WASF3: variants seen among roughly 807,000 people sequenced by gnomAD.
WASF3 encodes WASP family member 3, also known as actin-binding protein WASF3.
WASF3 carries 11 observed loss-of-function variants against 46.6 expected under a neutral mutation model. The ratio of observed to expected loss-of-function variants is 0.24; its 90% CI spans 0.15 to 0.39. WASF3 has a LOEUF of 0.39. Ranked by LOEUF, WASF3 falls within the 10% of genes least tolerant of loss-of-function variation. The probability of loss-of-function intolerance (pLI) is 1.00; values close to 1 mark genes in which losing one functional copy is unlikely to be tolerated. For missense variants in WASF3, 576 were observed against 669.8 expected (o/e 0.86, Z 1.55); for synonymous variants, 242 against 259.7 (o/e 0.93, Z 0.65).
intron 6 of WASF3, among the ~76,000 whole-genome samples, chr13:26,673,413 C>A (rs909545226): frequency 6.6e-6 from 1 of 152,056 alleles, no homozygotes; most frequent in Non-Finnish European, 1.5e-5. Context: ...CTTCTAAATG[C>A]TGGATAAACA....
chr13:26,656,850 A>G (rs987175175), intron 3 of WASF3, among the ~76,000 whole-genome samples: 3 of 152,184 alleles, frequency 2.0e-5, no homozygotes, highest in African/African-American at 7.2e-5. Context: ...AGGTACAGAA[A>G]AAGACTACAT....
In WASF3 at chr13:26,584,256, G is replaced by A. The variant is rs969714110; in HGVS notation, c.-109+26437G>A. Among the ~76,000 whole-genome samples the A allele has an allele frequency of 2.0e-5, 3 of 152,322 alleles. No individual in the cohort carries two copies. The East Asian group carries it at 5.8e-4, about 29-fold the overall frequency. ...TTTTGCTGGATGACTAGTGGTTTCT[G>A]CTGGAACAGAGATGAACCATCTCAA... On this transcript the variant is annotated intron_variant, in intron 1 of 9. Coordinates refer to ENST00000335327, the MANE Select transcript of WASF3 (RefSeq NM_006646.6).
intron 3 of WASF3, among the ~76,000 whole-genome samples, chr13:26,649,237 A>G (rs983753824): frequency 5.3e-5 from 8 of 152,194 alleles, no homozygotes; most frequent in Non-Finnish European, 1.2e-4. Context: ...CTATTCTTTT[A>G]CGTACGTTGT....
intron 1 of WASF3, among the ~76,000 whole-genome samples, chr13:26,591,699 T>A (rs1413081035): frequency 6.6e-6 from 1 of 152,102 alleles, no homozygotes; most frequent in East Asian, 1.9e-4. Context: ...GTTTCAAAGT[T>A]CATGGAAGTG....
chr13:26,611,989 T>C (rs1003118077), intron 1 of WASF3, among the ~76,000 whole-genome samples: 4 of 152,124 alleles, frequency 2.6e-5, no homozygotes, highest in Admixed American at 2.0e-4. Context: ...GGCACAGTTA[T>C]CTGTTTTCTC....
chr13:26,577,841 G>A (rs1274392829), intron 1 of WASF3, among the ~76,000 whole-genome samples: 1 of 152,152 alleles, frequency 6.6e-6, no homozygotes, highest in Non-Finnish European at 1.5e-5. Flanking sequence ...CATGTGTATA[G>A]GTTCATGTAA....
At chr13:26,646,000 G>A (rs546501923) in intron 3 of WASF3, among the ~76,000 whole-genome samples, 2 of 152,244 alleles carry the variant, frequency 1.3e-5, no homozygotes, top group African/African-American at 4.8e-5. Context: ...TAAGTACAGG[G>A]GACAGCAAAT....
At chr13:26,581,149 C>G (rs1039509329) in intron 1 of WASF3, among the ~76,000 whole-genome samples, 1 of 152,034 alleles carries the variant, frequency 6.6e-6, no homozygotes, top group African/African-American at 2.4e-5. Flanking sequence ...CCAGGCTGGT[C>G]TTGAACTCTT....
At chr13:26,611,071 C>G (rs912591396) in intron 1 of WASF3, among the ~76,000 whole-genome samples, 4 of 124,996 alleles carry the variant, frequency 3.2e-5, no homozygotes, top group Non-Finnish European at 3.3e-5. Flanking sequence ...GGGGTTTTGC[C>G]GTGTTGCCCA....
intron 1 of WASF3, among the ~76,000 whole-genome samples, chr13:26,569,083 C>G (rs1879557223): frequency 6.6e-6 from 1 of 151,904 alleles, no homozygotes; most frequent in Non-Finnish European, 1.5e-5. Flanking sequence ...TTTCTGTTTT[C>G]TATAATGGGG....
chr13:26,649,012 A>C (rs987479682), intron 3 of WASF3, among the ~76,000 whole-genome samples: 3 of 152,232 alleles, frequency 2.0e-5, no homozygotes, highest in Non-Finnish European at 2.9e-5. Context: ...TTAATGCATC[A>C]TAATTCTTAG....
intron 1 of WASF3, among the ~76,000 whole-genome samples, chr13:26,561,695 G>A (rs1221024498): frequency 1.3e-5 from 2 of 152,192 alleles, no homozygotes; most frequent in Non-Finnish European, 2.9e-5. Context: ...ACATAGTTCC[G>A]TCTCTTCAAG....
chr13:26,554,033 C>CCT (rs1879027307), upstream of WASF3, among the ~76,000 whole-genome samples: 2 of 80,334 alleles, frequency 2.5e-5, no homozygotes, highest in African/African-American at 5.1e-5. Context: ...TTCCTTCTTT[C>CCT]TCTTTCTTTC....
chr13:26,620,300 A>G (rs1386582856), intron 2 of WASF3, among the ~76,000 whole-genome samples: 4 of 152,168 alleles, frequency 2.6e-5, no homozygotes, highest in African/African-American at 9.7e-5. Flanking sequence ...TATAAAACAG[A>G]TGTAGGTTCA....
chr13:26,554,084 CTTCCTTCCTTCCTTCTTTCTTTCT>C (rs1879035755), upstream of WASF3, among the ~76,000 whole-genome samples: 15 of 36,228 alleles, frequency 4.1e-4, no homozygotes, highest in African/African-American at 1.3e-3. Context: ...TCCTTCCTTC[CTTCCTTCCTTCCTTCTTTCTTTCT>C]TTCTTTCTTT....
intron 1 of WASF3, chr13:26,606,643 C>A (rs1880808684): frequency 6.6e-6 from 1 of 152,094 alleles, no homozygotes; most frequent in Admixed American, 6.6e-5. Context: ...AGGTGTGAGC[C>A]ACTGCCCTGG....
Position 26,592,240 on chromosome 13 carries a change from T to G in WASF3, c.-108-20721T>G, listed in dbSNP as rs1193881718. Among the ~76,000 whole-genome samples, 3 of 152,134 alleles carry G rather than the reference T, an allele frequency of 2.0e-5. No homozygotes were observed. In the East Asian group the frequency reaches 5.8e-4, roughly 29 times the overall value. ...TTAAGAAGCATGTGATTAATAGTAG[T>G]TTGAGTGATAATTAATTTTCAGGAA... On this transcript the variant is annotated intron_variant, in intron 1 of 9. Coordinates refer to ENST00000335327, the MANE Select transcript of WASF3 (RefSeq NM_006646.6).
At chr13:26,574,995 C>T (rs1879750709) in intron 1 of WASF3, among the ~76,000 whole-genome samples, 1 of 152,040 alleles carries the variant, frequency 6.6e-6, no homozygotes, top group Non-Finnish European at 1.5e-5. Context: ...TGCCACCACG[C>T]CCGGCTAATT....
In WASF3 at chr13:26,687,025, A is replaced by T. The variant is rs1177403777; in HGVS notation, c.*1180A>T. ...TAAATGATAAAAAGCACCTCATGAG[A>T]TTCCCTTGATCAGCCCTGCAGCTGT... On this transcript the variant is annotated 3_prime_UTR_variant, in exon 10 of 10. Coordinates refer to ENST00000335327, the MANE Select transcript of WASF3 (RefSeq NM_006646.6). The T allele has an allele frequency of 6.6e-6, 1 of 152,256 alleles. No homozygotes were observed. The highest frequency in any genetic ancestry group is 6.5e-5 in the Admixed American group (1 of 15,274). The allele number at this position is 152,256 out of a possible 1,614,324, so 9.4% of individuals were successfully genotyped here. A position where few individuals can be genotyped will look rare whatever the true frequency, so the allele number is the denominator to read the frequency against.
Sources: allele counts gnomAD v4.1 joint callset (sites outside exome capture counted in the v4.1 genomes callset), GRCh38; gene constraint gnomAD v4.1.1; transcripts MANE v1.5; gene names NCBI Gene and HGNC (gene_info 2026-07-23, HGNC 2026-07-21).